Variants in PRPF6 observed in about 807,000 individuals in gnomAD.
PRPF6 encodes the protein pre-mRNA-processing factor 6.
Under a neutral mutation model 118.3 loss-of-function variants are expected in PRPF6, and 42 were observed. The ratio of observed to expected loss-of-function variants is 0.35; its 90% CI spans 0.28 to 0.46. The LOEUF is 0.46. Among genes scored for constraint, PRPF6 ranks in the 20% least tolerant of loss-of-function variants. The pLI is 1.00. For synonymous variants in PRPF6, 481 were observed against 485.1 expected (o/e 0.99, Z 0.11); for missense variants, 662 against 1,255.7 (o/e 0.53, Z 7.15).
At chr20:64,031,847 A>G (rs2059316074) in intron 19 of PRPF6, 71 bp from the exon 20 acceptor site, 3 of 1,608,888 alleles carry the variant, frequency 1.9e-6, no homozygotes, top group Middle Eastern at 3.3e-4. Context: ...ATGGCCCTGA[A>G]GCCGTTCCCC....
intron 6 of PRPF6, among the ~76,000 whole-genome samples, chr20:63,997,288 C>CTTTTT (rs928046111): frequency 5.3e-5 from 6 of 112,704 alleles, no homozygotes; most frequent in Non-Finnish European, 7.2e-5. Context: ...TCAGCATGTT[C>CTTTTT]TTTTTTTTTT....
chr20:63,993,375 T>C (rs1171143359), intron 3 of PRPF6, 32 bp from the exon 4 acceptor site: 2 of 1,526,646 alleles, frequency 1.3e-6, no homozygotes, highest in Middle Eastern at 1.7e-4. Flanking sequence ...AGACATGCAG[T>C]GTTTCTGATG....
Position 63,999,025 on chromosome 20 carries a change from T to A in PRPF6, c.772-20T>A. Reference sequence around the variant, plus strand: ...CACCTGGTCATGTCCAGCTGACTCTTAGCTTGGCCTGTCTCACAGGTGTCT... The same window carrying A: ...CACCTGGTCATGTCCAGCTGACTCTAAGCTTGGCCTGTCTCACAGGTGTCT... On this transcript the variant is annotated intron_variant, in intron 6 of 20. Coordinates refer to ENST00000266079, the MANE Select transcript of PRPF6 (RefSeq NM_012469.4). 1 of 1,602,972 alleles carries A rather than the reference T, an allele frequency of 6.2e-7. No individual in the cohort carries two copies. Among genetic ancestry groups the A allele is most frequent in the Non-Finnish European group, 8.5e-7 (1 of 1,170,898 alleles).
Position 64,016,583 on chromosome 20 carries a change from C to G in PRPF6, c.1525-140C>G, listed in dbSNP as rs149786085. The G allele has an allele frequency of 1.1e-4, 126 of 1,113,732 alleles. No individual in the cohort carries two copies. In the African/African-American group the frequency reaches 1.8e-3, roughly 16 times the overall value. The allele number at this position is 1,113,732 out of a possible 1,614,324, so 69.0% of individuals were successfully genotyped here. A position where few individuals can be genotyped will look rare whatever the true frequency, so the allele number is the denominator to read the frequency against. On this transcript the variant is annotated intron_variant, in intron 11 of 20. Coordinates refer to ENST00000266079, the MANE Select transcript of PRPF6 (RefSeq NM_012469.4). ...TGATTGGCGTGCAGTAGACTCACTT[C>G]CTCAGATCCCCAGTAGGCAGTGTCA...
chr20:64,008,133 C>T (rs547207057), intron 9 of PRPF6, among the ~76,000 whole-genome samples: 60 of 152,334 alleles, frequency 3.9e-4, no homozygotes, highest in African/African-American at 1.4e-3. Flanking sequence ...ATTTTTCCAG[C>T]TGTCATGTCA....
chr20:63,984,294 G>T (rs1389070260), intron 2 of PRPF6, among the ~76,000 whole-genome samples: 1 of 152,014 alleles, frequency 6.6e-6, no homozygotes, highest in African/African-American at 2.4e-5. Flanking sequence ...GGTGGCATGT[G>T]CCTGTAGTCC....
intron 12 of PRPF6, among the ~76,000 whole-genome samples, chr20:64,018,328 G>C (rs1231229140): frequency 2.6e-5 from 4 of 152,162 alleles, no homozygotes; most frequent in Non-Finnish European, 5.9e-5. Flanking sequence ...GTTCCTGAGT[G>C]TGAATTTTTT....
rs554826126 is a variant in PRPF6 at position 63,981,665 on chromosome 20, C to T, written c.71+349C>T. Among the ~76,000 whole-genome samples the T allele has an allele frequency of 3.3e-5, 5 of 149,888 alleles. No homozygotes were observed. The South Asian group carries it at 8.6e-4, about 26-fold the overall frequency. ...CACTCCCCCCCCCCGCCCGCCCGCCCGCCCCGCCTTAAGCGTGCCTGGGTC... is the reference window on the plus strand; with the variant it reads ...CACTCCCCCCCCCCGCCCGCCCGCCTGCCCCGCCTTAAGCGTGCCTGGGTC... On this transcript the variant is annotated intron_variant, in intron 1 of 20. Coordinates refer to ENST00000266079, the MANE Select transcript of PRPF6 (RefSeq NM_012469.4).
At position 63,994,988 on chromosome 20, in the gene PRPF6, C is replaced by T. The variant is rs753370082; in HGVS notation, c.511C>T (p.Gln171Ter). ...GGTTGGCGATGCCAGAAATAAACGTCAGCGGAACCCACGCTATGAGAAGCT... is the reference window on the plus strand; with the variant it reads ...GGTTGGCGATGCCAGAAATAAACGTTAGCGGAACCCACGCTATGAGAAGCT... The part of the protein sequence containing the change: ...PEVGDARNKR[Q>*]RNPRYEKLTP... The change falls in exon 5 of 21, where the codon CAG (glutamine) becomes TAG (stop). Residue 171 changes from glutamine to a stop codon, truncating the protein, a stop_gained. Transcript: ENST00000266079. LOFTEE classifies it high-confidence loss of function. 1.2e-6 allele frequency: 2 copies of T among 1,614,206 alleles called. No homozygotes were observed. Among genetic ancestry groups the T allele is most frequent in the South Asian group, 2.2e-5 (2 of 91,084 alleles).
At chr20:64,008,071 G>A (rs1407382890) in intron 9 of PRPF6, among the ~76,000 whole-genome samples, 3 of 152,140 alleles carry the variant, frequency 2.0e-5, no homozygotes, top group Non-Finnish European at 2.9e-5. Flanking sequence ...GCTACGGGCT[G>A]TACCTGGCCC....
At chr20:63,999,802 T>C in intron 8 of PRPF6, 43 bp downstream of exon 8, 2 of 1,609,292 alleles carry the variant, frequency 1.2e-6, no homozygotes, top group Non-Finnish European at 1.7e-6. Context: ...GGCTGCGTGA[T>C]TGTGGCCCCT....
chr20:63,985,092 A>C, intron 3 of PRPF6, 67 bp downstream of exon 3: 2 of 1,284,670 alleles, frequency 1.6e-6, no homozygotes, highest in South Asian at 2.4e-5. Context: ...GGCCAGGCGC[A>C]GTGGCTCACG....
intron 11 of PRPF6, among the ~76,000 whole-genome samples, chr20:64,014,031 G>T (rs572483460): frequency 6.6e-6 from 1 of 151,654 alleles, no homozygotes; most frequent in Non-Finnish European, 1.5e-5. Flanking sequence ...TTTGCTTCCT[G>T]GGCTCAAGCA....
chr20:63,985,533 A>G (rs941107460), intron 3 of PRPF6, among the ~76,000 whole-genome samples: 7 of 151,950 alleles, frequency 4.6e-5, no homozygotes, highest in African/African-American at 1.7e-4. Flanking sequence ...GAGCTTAAGA[A>G]CTCTTAAGTT....
At chr20:64,008,161 T>C (rs1221778469) in intron 9 of PRPF6, among the ~76,000 whole-genome samples, 1 of 152,216 alleles carries the variant, frequency 6.6e-6, no homozygotes, top group African/African-American at 2.4e-5. Flanking sequence ...CACGGGCACA[T>C]GCATGCATAA....
At chr20:63,997,390 A>C (rs932507342) in intron 6 of PRPF6, among the ~76,000 whole-genome samples, 5 of 149,432 alleles carry the variant, frequency 3.3e-5, no homozygotes, top group Admixed American at 6.8e-5. Context: ...TCTCGGGTTC[A>C]AATGATTCTC....
Position 64,016,946 on chromosome 20 carries a change from T to C in PRPF6, c.1647+101T>C. 3 of 1,533,118 alleles carry C rather than the reference T, an allele frequency of 2.0e-6. No homozygotes were observed. In the Middle Eastern group the frequency reaches 5.6e-4, roughly 288 times the overall value. The allele number at this position is 1,533,118 out of a possible 1,614,324, so 95.0% of individuals were successfully genotyped here. Reference sequence around the variant, plus strand: ...CTAGGCTATTTTAAAACTCTTTTTTTTTTTTTTTAAATCTGAGACGGGGTC... The same window carrying C: ...CTAGGCTATTTTAAAACTCTTTTTTCTTTTTTTTAAATCTGAGACGGGGTC... On this transcript the variant is annotated intron_variant, in intron 12 of 20. Coordinates refer to ENST00000266079, the MANE Select transcript of PRPF6 (RefSeq NM_012469.4).
At chr20:63,991,327 C>G (rs748749035) in intron 3 of PRPF6, among the ~76,000 whole-genome samples, 10 of 151,818 alleles carry the variant, frequency 6.6e-5, no homozygotes, top group Admixed American at 2.0e-4. Flanking sequence ...AAGGCTGAGG[C>G]AGGAGCATCG....
At chr20:63,985,671 T>G (rs1186969706) in intron 3 of PRPF6, among the ~76,000 whole-genome samples, 1 of 152,216 alleles carries the variant, frequency 6.6e-6, no homozygotes, top group African/African-American at 2.4e-5. Flanking sequence ...TTAAAGATGT[T>G]AAATGACACA....
Sources: gnomAD v4.1 joint callset for allele counts (sites outside exome capture counted in the v4.1 genomes callset) on GRCh38, gnomAD v4.1.1 for gene constraint, MANE v1.5 for transcripts, NCBI Gene and HGNC (gene_info 2026-07-23, HGNC 2026-07-21) for gene names.